GLIS3: variants seen among roughly 807,000 people sequenced by gnomAD.
GLIS3 encodes zinc finger protein GLIS3.
GLIS3 carries 53 observed loss-of-function variants against 78.6 expected under a neutral mutation model. The ratio of observed to expected loss-of-function variants is 0.67; its 90% confidence interval spans 0.54 to 0.85. The LOEUF (loss-of-function observed/expected upper bound fraction) is 0.85. Among genes scored for constraint, GLIS3 ranks in the 40% least tolerant of loss-of-function variants. The pLI is 0.00. For synonymous variants in GLIS3, 684 were observed against 509.9 expected (o/e 1.34, Z -4.60); for missense variants, 1,703 against 1,231.1 (o/e 1.38, Z -5.74).
chr9:3,884,652 T>C (rs1004986388), intron 7 of GLIS3, among the ~76,000 whole-genome samples: 18 of 152,298 alleles, frequency 1.2e-4, no homozygotes, highest in African/African-American at 3.1e-4. Flanking sequence ...TTAAGACTTA[T>C]TGAGCATTTA....
intron 8 of GLIS3, among the ~76,000 whole-genome samples, chr9:3,857,646 C>G (rs1291013291): frequency 6.6e-6 from 1 of 152,166 alleles, no homozygotes; most frequent in African/African-American, 2.4e-5. Flanking sequence ...GTTGGGATGC[C>G]TGTTTAATTG....
intron 2 of GLIS3, among the ~76,000 whole-genome samples, chr9:4,133,738 T>A (rs1281281281): frequency 6.6e-6 from 1 of 152,052 alleles, no homozygotes; most frequent in Non-Finnish European, 1.5e-5. Flanking sequence ...TTGTCTCTCA[T>A]ATGGTACCTT....
intron 4 of GLIS3, among the ~76,000 whole-genome samples, chr9:4,014,434 G>T (rs1822278068): frequency 6.6e-6 from 1 of 152,148 alleles, no homozygotes; most frequent in South Asian, 2.1e-4. Flanking sequence ...GAAGTAGGGT[G>T]GGCCCTTAAT....
intron 8 of GLIS3, among the ~76,000 whole-genome samples, chr9:3,871,372 C>A (rs988466282): frequency 3.1e-4 from 47 of 152,164 alleles, no homozygotes; most frequent in African/African-American, 1.1e-3. Context: ...AGACAGTGTC[C>A]CAGTAGAGAC....
chr9:4,335,256 A>C (rs1392468706), intron 2 of GLIS3, among the ~76,000 whole-genome samples: 1 of 152,124 alleles, frequency 6.6e-6, no homozygotes, highest in Non-Finnish European at 1.5e-5. Flanking sequence ...AATTGAAACA[A>C]ATTAGAAGCA....
intron 4 of GLIS3, among the ~76,000 whole-genome samples, chr9:4,044,041 C>A (rs551687353): frequency 6.6e-6 from 1 of 152,156 alleles, no homozygotes; most frequent in African/African-American, 2.4e-5. Context: ...GCAGAGCAGG[C>A]AAACATCACC....
the GLIS3 span, among the ~76,000 whole-genome samples, chr9:4,478,676 C>T: frequency 2.0e-5 from 3 of 151,512 alleles, no homozygotes; most frequent in African/African-American, 7.3e-5. Flanking sequence ...AGAAAACCAA[C>T]CAAGGGAAAG....
At chr9:4,181,737 G>A (rs1817342393) in intron 2 of GLIS3, among the ~76,000 whole-genome samples, 1 of 152,168 alleles carries the variant, frequency 6.6e-6, no homozygotes, top group South Asian at 2.1e-4. Flanking sequence ...CTTGAAAAAC[G>A]CTTGAGCATT....
intron 2 of GLIS3, among the ~76,000 whole-genome samples, chr9:4,191,562 A>G (rs1818334112): frequency 6.6e-6 from 1 of 152,206 alleles, no homozygotes. Flanking sequence ...TCTGAATACC[A>G]TGTCTTATTC....
chr9:4,375,799 G>T, the GLIS3 span, among the ~76,000 whole-genome samples: 9 of 152,074 alleles, frequency 5.9e-5, no homozygotes, highest in African/African-American at 2.2e-4. Flanking sequence ...TAAAACACTA[G>T]TACTTGACAG....
At chr9:4,250,463 C>A (rs1263775092) in intron 2 of GLIS3, among the ~76,000 whole-genome samples, 1 of 152,056 alleles carries the variant, frequency 6.6e-6, no homozygotes, top group Non-Finnish European at 1.5e-5. Flanking sequence ...GTGGTGATAT[C>A]CCCTTTATCA....
upstream of GLIS3, among the ~76,000 whole-genome samples, chr9:4,348,773 GAAAA>G (rs200302432): frequency 6.8e-6 from 1 of 147,042 alleles, no homozygotes; most frequent in Admixed American, 6.8e-5. Flanking sequence ...GCTCCTAAGT[GAAAA>G]AAAAACAGAT....
chr9:4,226,907 C>T (rs1252130077), intron 2 of GLIS3, among the ~76,000 whole-genome samples: 1 of 152,150 alleles, frequency 6.6e-6, no homozygotes, highest in Non-Finnish European at 1.5e-5. Flanking sequence ...ACTGACCCAT[C>T]CAGTTTTAAA....
the GLIS3 span, among the ~76,000 whole-genome samples, chr9:4,387,034 T>C: frequency 1.3e-5 from 2 of 152,204 alleles, no homozygotes; most frequent in African/African-American, 4.8e-5. Context: ...CTGGAACTTT[T>C]GTTGCATGAT....
At chr9:4,093,287 G>A (rs368058028) in intron 4 of GLIS3, among the ~76,000 whole-genome samples, 1 of 151,522 alleles carries the variant, frequency 6.6e-6, no homozygotes, top group African/African-American at 2.4e-5. Context: ...TTAATATAAT[G>A]AATGAATGTT....
chr9:4,195,733 G>A (rs1485442321), intron 2 of GLIS3, among the ~76,000 whole-genome samples: 4 of 152,272 alleles, frequency 2.6e-5, no homozygotes, highest in African/African-American at 9.6e-5. Flanking sequence ...GAAGCCAGCT[G>A]GGCTCCTGAG....
chr9:3,849,577 C>G (rs1322282461), intron 9 of GLIS3, among the ~76,000 whole-genome samples: 1 of 152,116 alleles, frequency 6.6e-6, no homozygotes, highest in African/African-American at 2.4e-5. Flanking sequence ...CTGTGAGGCT[C>G]CTTCTCCACC....
chr9:4,449,101 G>A, the GLIS3 span, among the ~76,000 whole-genome samples: 1 of 152,114 alleles, frequency 6.6e-6, no homozygotes, highest in Admixed American at 6.6e-5. Context: ...CTGGAAAATC[G>A]GGACACTCCC....
chr9:4,161,164 T>C (rs1323601238), intron 2 of GLIS3, among the ~76,000 whole-genome samples: 2 of 151,670 alleles, frequency 1.3e-5, no homozygotes, highest in Non-Finnish European at 2.9e-5. Flanking sequence ...TCCCGGCTAC[T>C]CAGGAGACAG....
Sources: allele counts gnomAD v4.1 joint callset (sites outside exome capture counted in the v4.1 genomes callset), GRCh38; gene constraint gnomAD v4.1.1; transcripts MANE v1.5; gene names NCBI Gene and HGNC (gene_info 2026-07-23, HGNC 2026-07-21).